CPA6: variants seen among roughly 807,000 people sequenced by gnomAD.
CPA6 encodes carboxypeptidase B.
In CPA6, 58 loss-of-function variants were observed where a neutral mutation model predicts 63.3. That is an observed-to-expected ratio of 0.92 (90% CI 0.74 to 1.14). CPA6 has a LOEUF of 1.14. Among genes scored for constraint, CPA6 ranks in the 50% most tolerant of loss-of-function variants. CPA6 has a pLI of 0.00. For missense variants in CPA6, 565 were observed against 526.6 expected, an observed-to-expected ratio of 1.07 and a Z score of -0.71; for synonymous variants, 185 against 179.0, an observed-to-expected ratio of 1.03 and a Z score of -0.27.
At chr8:67,733,743 C>T (rs113787039) in intron 1 of CPA6, among the ~76,000 whole-genome samples, 9 of 151,536 alleles carry the variant, frequency 5.9e-5, no homozygotes, top group African/African-American at 2.2e-4. Context: ...CAAGGTATTG[C>T]CTTGGAAAGG....
chr8:67,468,378 T>C (rs1364099073), intron 8 of CPA6, among the ~76,000 whole-genome samples: 1 of 150,308 alleles, frequency 6.7e-6, no homozygotes, highest in Non-Finnish European at 1.5e-5. Context: ...AGGTCAGGAG[T>C]TCGAGACCAG....
intron 1 of CPA6, among the ~76,000 whole-genome samples, chr8:67,742,140 G>C (rs1267419522): frequency 6.6e-6 from 1 of 151,750 alleles, no homozygotes; most frequent in Admixed American, 6.6e-5. Flanking sequence ...GTGTGTGTGT[G>C]TGTGCGCGTG....
chr8:67,493,736 G>C (rs563173554), intron 6 of CPA6, among the ~76,000 whole-genome samples: 1 of 152,096 alleles, frequency 6.6e-6, no homozygotes, highest in South Asian at 2.1e-4. Flanking sequence ...GACGAATATT[G>C]TGGCTCACTT....
intron 2 of CPA6, among the ~76,000 whole-genome samples, chr8:67,521,339 C>T (rs1330630955): frequency 6.6e-6 from 1 of 152,220 alleles, no homozygotes; most frequent in African/African-American, 2.4e-5. Context: ...GGCTGGAATC[C>T]TAGCTCTGGC....
chr8:67,735,548 G>A (rs1817795397), intron 1 of CPA6: 1 of 152,172 alleles, frequency 6.6e-6, no homozygotes, highest in South Asian at 2.1e-4. Context: ...TTTGTGACAG[G>A]ATGTGTCTAC....
At chr8:67,572,385 C>G (rs548643920) in intron 2 of CPA6, among the ~76,000 whole-genome samples, 18 of 152,274 alleles carry the variant, frequency 1.2e-4, no homozygotes, top group African/African-American at 3.9e-4. Flanking sequence ...GGGCTAATTC[C>G]CACAAGAATG....
At chr8:67,729,903 T>C (rs2553677) in intron 1 of CPA6, among the ~76,000 whole-genome samples, 124,753 of 152,246 alleles carry the variant, frequency 0.82, 51,597 homozygotes, top group Admixed American at 0.87. Context: ...GTGCTATTCT[T>C]ACGGGCCCCA....
At chr8:67,475,823 T>TTTCTTTCC (rs1554666526) in intron 8 of CPA6, among the ~76,000 whole-genome samples, 1 of 45,990 alleles carries the variant, frequency 2.2e-5, no homozygotes, top group African/African-American at 1.0e-4. Context: ...CTTTCCTTTC[T>TTTCTTTCC]TTTCTTTCTT....
chr8:67,631,264 G>T (rs1329096554), intron 1 of CPA6, among the ~76,000 whole-genome samples: 1 of 152,150 alleles, frequency 6.6e-6, no homozygotes, highest in Non-Finnish European at 1.5e-5. Context: ...TCTACCTCTG[G>T]GTTTTTGGAT....
chr8:67,498,569 G>T (rs1395611004), intron 6 of CPA6, among the ~76,000 whole-genome samples: 3 of 134,874 alleles, frequency 2.2e-5, no homozygotes, highest in African/African-American at 8.3e-5. Flanking sequence ...AAAAATTAAC[G>T]CCAAAAGGGA....
At chr8:67,617,219 G>C (rs1814978282) in intron 2 of CPA6, among the ~76,000 whole-genome samples, 1 of 152,090 alleles carries the variant, frequency 6.6e-6, no homozygotes. Context: ...TTTTCCTTTT[G>C]AAAGAATGTT....
At chr8:67,560,930 A>G (rs1813195492) in intron 2 of CPA6, among the ~76,000 whole-genome samples, 1 of 152,164 alleles carries the variant, frequency 6.6e-6, no homozygotes. Flanking sequence ...TCATTTGGAG[A>G]GTAAATGGAG....
At chr8:67,595,645 C>T (rs372784409) in intron 2 of CPA6, among the ~76,000 whole-genome samples, 5 of 152,224 alleles carry the variant, frequency 3.3e-5, no homozygotes, top group Non-Finnish European at 7.3e-5. Flanking sequence ...GACTGCTGTG[C>T]TAGCAATCAG....
At chr8:67,673,996 T>C (rs533061890) in intron 1 of CPA6, among the ~76,000 whole-genome samples, 9 of 152,332 alleles carry the variant, frequency 5.9e-5, no homozygotes, top group African/African-American at 2.2e-4. Flanking sequence ...TTATTGAACA[T>C]TTACTATATG....
Position 67,475,793 on chromosome 8 carries a change from CTTTCTTTCTTT to C in CPA6, c.838+7964_838+7974del, listed in dbSNP as rs749583523. Among the ~76,000 whole-genome samples, 69 of 47,378 alleles carry C rather than the reference CTTTCTTTCTTT, an allele frequency of 1.5e-3. 1 individual carries two copies. Among genetic ancestry groups the C allele is most frequent in the African/African-American group, 3.1e-3 (20 of 6,452 alleles). The allele number at this position is 47,378 out of a possible 152,430, so 31.1% of individuals were successfully genotyped here. On this transcript the variant is annotated intron_variant, in intron 8 of 10. Transcript: ENST00000297770. ...TCTTTCTTTCTTTCTTTCTTTCTTT[CTTTCTTTCTTT>C]CTTTCTTTCTTTCCTTTCTTTTCTT...
intron 8 of CPA6, among the ~76,000 whole-genome samples, chr8:67,465,966 C>T (rs1048166630): frequency 2.4e-4 from 36 of 151,740 alleles, no homozygotes; most frequent in African/African-American, 8.5e-4. Flanking sequence ...ATGCTGGCTT[C>T]ATAGAGTAAG....
rs139718924 is a variant in CPA6, at chr8:67,614,567, C to T, written c.192+9609G>A. Among the ~76,000 whole-genome samples, 171 of 152,266 alleles carry T rather than the reference C, an allele frequency of 1.1e-3. 1 individual carries two copies. The South Asian group carries it at 0.014, about 13-fold the overall frequency. On this transcript the variant is annotated intron_variant, in intron 2 of 10. Transcript: ENST00000297770. ...TGAAACTGGTGCAGACCAGAGCAGG[C>T]GACCTCCAGTTACCTTTAAGTCATT...
chr8:67,470,657 A>G (rs530795958), intron 8 of CPA6, among the ~76,000 whole-genome samples: 1 of 152,164 alleles, frequency 6.6e-6, no homozygotes, highest in Admixed American at 6.5e-5. Flanking sequence ...GTGTTTATAT[A>G]AAAACGATAA....
intron 1 of CPA6, among the ~76,000 whole-genome samples, chr8:67,688,686 A>G (rs1297321625): frequency 6.6e-6 from 1 of 152,148 alleles, no homozygotes; most frequent in African/African-American, 2.4e-5. Flanking sequence ...GACATTGTAC[A>G]CTTCTCTCCT....
Sources: gnomAD v4.1 joint callset for allele counts (sites outside exome capture counted in the v4.1 genomes callset) on GRCh38, gnomAD v4.1.1 for gene constraint, MANE v1.5 for transcripts, NCBI Gene and HGNC (gene_info 2026-07-23, HGNC 2026-07-21) for gene names.